The following ELK4 variants were observed in gnomAD, a reference collection of about 807,000 sequenced individuals.
ELK4 encodes the protein ETS transcription factor ELK4, also known as ETS domain-containing protein Elk-4.
ELK4 carries 16 observed loss-of-function variants against 29.6 expected under a neutral mutation model. The observed-to-expected ratio is 0.54, with a 90% CI of 0.37 to 0.82. The LOEUF is 0.82. Ranked by LOEUF, ELK4 falls within the 40% of genes least tolerant of loss-of-function variation. The pLI, the probability that ELK4 is intolerant of heterozygous loss-of-function variation, is 0.00. For missense variants in ELK4, 465 were observed against 507.1 expected (o/e 0.92, Z 0.80); for synonymous variants, 213 against 191.1 (o/e 1.11, Z -0.95).
chr1:205,609,786 A>T lies in ELK4; in HGVS notation c.*6760T>A, dbSNP rs1271544484. 1.4e-5 allele frequency: 3 copies of T among 212,944 alleles called. No individual in the cohort carries two copies. The highest frequency in any genetic ancestry group is 6.8e-5 in the African/African-American group (3 of 44,306). The allele number at this position is 212,944 out of a possible 1,614,324, so 13.2% of individuals were successfully genotyped here. ...ATTGCAAATTATTTTTAAAAATCGT[A>T]AATTTCTACAAAGCACAATATTAAA... On this transcript the variant is annotated 3_prime_UTR_variant, in exon 5 of 5. Transcript: ENST00000357992.
Position 205,629,000 on chromosome 1 carries a change from C to T in ELK4, c.-10+2632G>A, listed in dbSNP as rs557411601. ...CATCCTGGCTAACAAGGTGAAACCCCCGTGTCTATTAAAAATACAAACAAT... is the reference window on the plus strand; with the variant it reads ...CATCCTGGCTAACAAGGTGAAACCCTCGTGTCTATTAAAAATACAAACAAT... On this transcript the variant is annotated intron_variant, in intron 1 of 4. Coordinates refer to ENST00000357992, the MANE Select transcript of ELK4 (RefSeq NM_001973.4). Among the ~76,000 whole-genome samples, 9 of 151,946 alleles carry T rather than the reference C, an allele frequency of 5.9e-5. No homozygotes were observed. In the South Asian group the frequency reaches 1.7e-3, roughly 28 times the overall value.
At chr1:205,625,660 A>G in intron 1 of ELK4, 2 of 911,506 alleles carry the variant, frequency 2.2e-6, no homozygotes, top group South Asian at 1.4e-5. Flanking sequence ...ACAGCTGGTC[A>G]GTTCTGCTGC....
rs1467067816 is a variant in ELK4 at position 205,615,381 on chromosome 1, ACT to A, written c.*1163_*1164del. 2.3e-5 allele frequency: 3 copies of A among 127,886 alleles called. No homozygotes were observed. The highest frequency in any genetic ancestry group is 3.3e-5 in the African/African-American group (1 of 29,910). The allele number at this position is 127,886 out of a possible 1,614,324, so 7.9% of individuals were successfully genotyped here. Reference sequence around the variant, plus strand: ...ACTCCAGCCTGGGTGATAGAGCAAGACTCTGTCTCAAAAAAAAAAAAAAAAAA... The same window carrying A: ...ACTCCAGCCTGGGTGATAGAGCAAGACTGTCTCAAAAAAAAAAAAAAAAAA... On this transcript the variant is annotated 3_prime_UTR_variant, in exon 5 of 5. Transcript: ENST00000357992.
Position 205,609,182 on chromosome 1 carries a change from G to A in ELK4, c.*7364C>T. On this transcript the variant is annotated 3_prime_UTR_variant, in exon 5 of 5. Coordinates refer to ENST00000357992, the MANE Select transcript of ELK4 (RefSeq NM_001973.4). ...GGTCTTCTTTAAAGAAGATCGAGTA[G>A]GGCTCATGAAAAATTATTGGTTTGT... is the stretch of plus-strand genomic sequence containing the variant. 1 of 188,052 alleles carries A rather than the reference G, an allele frequency of 5.3e-6. No individual in the cohort carries two copies. Among genetic ancestry groups the A allele is most frequent in the Non-Finnish European group, 1.1e-5 (1 of 89,240 alleles). The allele number at this position is 188,052 out of a possible 1,614,324, so 11.6% of individuals were successfully genotyped here.
chr1:205,608,175 A>G lies in ELK4; in HGVS notation c.*8371T>C. 1 of 189,538 alleles carries G rather than the reference A, an allele frequency of 5.3e-6. No homozygotes were observed. The highest frequency in any genetic ancestry group is 1.1e-5 in the Non-Finnish European group (1 of 90,102). The allele number at this position is 189,538 out of a possible 1,614,324, so 11.7% of individuals were successfully genotyped here. A position where few individuals can be genotyped will look rare whatever the true frequency, so the allele number is the denominator to read the frequency against. On this transcript the variant is annotated 3_prime_UTR_variant, in exon 5 of 5. Transcript: ENST00000357992. Reference sequence around the variant, plus strand: ...GATGCATATCACCATTATAGAATTTAACAAAATTTTTGCATAAAACCTGGG... The same window carrying G: ...GATGCATATCACCATTATAGAATTTGACAAAATTTTTGCATAAAACCTGGG...
intron 3 of ELK4, chr1:205,619,307 G>C: frequency 1.9e-6 from 2 of 1,039,526 alleles, no homozygotes; most frequent in Non-Finnish European, 2.3e-6. Flanking sequence ...GTTTTTGGGG[G>C]TACAAGTGGT....
rs1430667877 is a variant in ELK4 at position 205,615,585 on chromosome 1, C to G, written c.*961G>C. Reference sequence around the variant, plus strand: ...ATGAACAGGAAAAAGACAGGTCCTTCACTTGGTTATCTTCTAATTGAGAAA... The same window carrying G: ...ATGAACAGGAAAAAGACAGGTCCTTGACTTGGTTATCTTCTAATTGAGAAA... On this transcript the variant is annotated 3_prime_UTR_variant, in exon 5 of 5. Transcript: ENST00000357992. The G allele has an allele frequency of 5.2e-6, 1 of 193,264 alleles. No individual in the cohort carries two copies. The highest frequency in any genetic ancestry group is 8.1e-5 in the East Asian group (1 of 12,288). 12.0% of individuals were successfully genotyped at this position (193,264 alleles called of 1,614,324 possible).
At position 205,610,548 on chromosome 1, in the gene ELK4, A is replaced by C. The variant is rs1373285172; in HGVS notation, c.*5998T>G. ...ATCCTTATTTGCTCAATAATACATGAACCTAAGAGAACAGTTTACTATGAC... is the reference window on the plus strand; with the variant it reads ...ATCCTTATTTGCTCAATAATACATGCACCTAAGAGAACAGTTTACTATGAC... On this transcript the variant is annotated 3_prime_UTR_variant, in exon 5 of 5. Coordinates refer to ENST00000357992, the MANE Select transcript of ELK4 (RefSeq NM_001973.4). 4.4e-6 allele frequency: 1 copy of C among 229,772 alleles called. No individual in the cohort carries two copies. Among genetic ancestry groups the C allele is most frequent in the Non-Finnish European group, 8.6e-6 (1 of 115,954 alleles). 14.2% of individuals were successfully genotyped at this position (229,772 alleles called of 1,614,324 possible).
intron 1 of ELK4, chr1:205,625,525 G>A: frequency 1.3e-6 from 1 of 764,982 alleles, no homozygotes; most frequent in South Asian, 1.3e-5. Flanking sequence ...CAAGAAACGG[G>A]CGGCTCCGAG....
chr1:205,626,888 T>C (rs1460123568), intron 1 of ELK4, among the ~76,000 whole-genome samples: 5 of 152,114 alleles, frequency 3.3e-5, no homozygotes, highest in African/African-American at 1.2e-4. Flanking sequence ...ATCTAAAAAG[T>C]AGAAACAAAC....
chr1:205,631,663 C>G lies in ELK4; in HGVS notation c.-41G>C. The stretch of plus-strand genomic sequence containing the variant: ...CGCGCGCGGGGCTCCCCCTCGGTCT[C>G]CGCCTCGAACACGATGCGCCTCTCC... On this transcript the variant is annotated 5_prime_UTR_variant, in exon 1 of 5. Transcript: ENST00000357992. 2.9e-6 allele frequency: 1 copy of G among 342,648 alleles called. No homozygotes were observed. Among genetic ancestry groups the G allele is most frequent in the Non-Finnish European group, 6.0e-6 (1 of 166,328 alleles). The allele number at this position is 342,648 out of a possible 1,614,324, so 21.2% of individuals were successfully genotyped here. A position where few individuals can be genotyped will look rare whatever the true frequency, so the allele number is the denominator to read the frequency against.
At position 205,623,842 on chromosome 1, in the gene ELK4, A is replaced by C; in HGVS notation, c.41T>G (p.Leu14Arg). 6.2e-7 allele frequency: 1 copy of C among 1,614,186 alleles called. No homozygotes were observed. The highest frequency in any genetic ancestry group is 8.5e-7 in the Non-Finnish European group (1 of 1,180,022). ...GTGCTTGTTCTGAGGCTTCTGCAGG[A>C]GCTGAAGAAGGAACTGCCACAGGGT... ...AITLWQFLLQ[L>R]LQKPQNKHMI... Residue 14 changes from leucine (L) to arginine (R), a missense_variant, in exon 2 of 5, where the codon CTC becomes CGC. Leu to Arg is a moderately radical substitution (Grantham distance 102). Transcript: ENST00000357992.
At chr1:205,628,440 G>C (rs772368696) in intron 1 of ELK4, among the ~76,000 whole-genome samples, 1 of 152,144 alleles carries the variant, frequency 6.6e-6, no homozygotes, top group African/African-American at 2.4e-5. Flanking sequence ...TAGGGGTGGA[G>C]TATGAATCCA....
In ELK4 at chr1:205,609,533, T is replaced by C. The variant is rs536260547; in HGVS notation, c.*7013A>G. ...ATCTTTACATATACGCATCTGTCAA[T>C]TTCACTAATACTGAACAGGGAAGTT... On this transcript the variant is annotated 3_prime_UTR_variant, in exon 5 of 5. Transcript: ENST00000357992. 2.5e-4 allele frequency: 49 copies of C among 194,608 alleles called. No individual in the cohort carries two copies. The highest frequency in any genetic ancestry group is 4.0e-4 in the Non-Finnish European group (37 of 93,518). 12.1% of individuals were successfully genotyped at this position (194,608 alleles called of 1,614,324 possible). A position where few individuals can be genotyped will look rare whatever the true frequency, so the allele number is the denominator to read the frequency against.
chr1:205,625,020 C>A (rs1400504524), intron 1 of ELK4, among the ~76,000 whole-genome samples: 2 of 152,044 alleles, frequency 1.3e-5, no homozygotes, highest in Non-Finnish European at 1.5e-5. Flanking sequence ...TGATTGAATA[C>A]TTCACACACA....
Position 205,631,772 on chromosome 1 carries a change from C to T in ELK4, c.-150G>A, listed in dbSNP as rs1422555701. ...CCCGCGGCGGAGCCGTAGAAGGCGG[C>T]GGCGGCCAAGCCGAGCCCGCCGGGT... On this transcript the variant is annotated 5_prime_UTR_variant, in exon 1 of 5. Coordinates refer to ENST00000357992, the MANE Select transcript of ELK4 (RefSeq NM_001973.4). 8.2e-6 allele frequency: 2 copies of T among 244,644 alleles called. No homozygotes were observed. Among genetic ancestry groups the T allele is most frequent in the Non-Finnish European group, 1.7e-5 (2 of 116,994 alleles). The allele number at this position is 244,644 out of a possible 1,614,324, so 15.2% of individuals were successfully genotyped here.
In ELK4 at chr1:205,620,032, T is replaced by A; in HGVS notation, c.1014A>T (p.Pro338=). ...ATGGGCTCAGTATTCCCAGTGGGCTTGGATCACTGCTCGTGATCACAAGGG... is the reference window on the plus strand; with the variant it reads ...ATGGGCTCAGTATTCCCAGTGGGCTAGGATCACTGCTCGTGATCACAAGGG... ...APTLVITSSD[P]SPLGILSPSL... Residue 338 remains proline, a synonymous_variant, in exon 3 of 5, where the codon CCA becomes CCT. Coordinates refer to ENST00000357992, the MANE Select transcript of ELK4 (RefSeq NM_001973.4). 1 of 1,614,236 alleles carries A rather than the reference T, an allele frequency of 6.2e-7. No homozygotes were observed. The highest frequency in any genetic ancestry group is 8.5e-7 in the Non-Finnish European group (1 of 1,180,038).
chr1:205,629,639 C>T (rs959707297), intron 1 of ELK4, among the ~76,000 whole-genome samples: 2 of 152,066 alleles, frequency 1.3e-5, no homozygotes, highest in African/African-American at 4.8e-5. Context: ...ATCATTTGAA[C>T]CCAGGAGGCG....
intron 1 of ELK4, 30 bp from the exon 2 acceptor site, chr1:205,623,921 A>G (rs1045403149): frequency 1.2e-5 from 19 of 1,599,200 alleles, no homozygotes; most frequent in Non-Finnish European, 1.5e-5. Flanking sequence ...ATATGTGATA[A>G]TATTAACAGC....
Sources: allele counts gnomAD v4.1 joint callset (sites outside exome capture counted in the v4.1 genomes callset), GRCh38; gene constraint gnomAD v4.1.1; transcripts MANE v1.5; gene names NCBI Gene and HGNC (gene_info 2026-07-23, HGNC 2026-07-21).